TMEFF1: variants seen among roughly 807,000 people sequenced by gnomAD.
TMEFF1 encodes tomoregulin-1.
A neutral mutation model predicts 47.5 loss-of-function variants in TMEFF1; 20 were observed. The ratio of observed to expected loss-of-function variants is 0.42; its 90% CI spans 0.30 to 0.61. The LOEUF (loss-of-function observed/expected upper bound fraction) is 0.61. Ranked by LOEUF, TMEFF1 falls within the 20% of genes least tolerant of loss-of-function variation. The probability of loss-of-function intolerance (pLI) is 0.19; values close to 1 mark genes in which losing one functional copy is unlikely to be tolerated. For synonymous variants in TMEFF1, 162 were observed against 166.3 expected, an observed-to-expected ratio of 0.97 and a Z score of 0.20; for missense variants, 411 against 471.1, an observed-to-expected ratio of 0.87 and a Z score of 1.18.
In TMEFF1 at chr9:100,473,676, G is replaced by C. The variant is rs753811292; in HGVS notation, c.132G>C (p.Pro44=). ...GGAGCCGCGCGTCCAACCAGCCCCCGGGTGGTGGCGGCGGCAGCGGCGGGG... is the reference window on the plus strand; with the variant it reads ...GGAGCCGCGCGTCCAACCAGCCCCCCGGTGGTGGCGGCGGCAGCGGCGGGG... ...LPGSRASNQP[P]GGGGGSGGDC... is the part of the protein sequence containing the mutation. The change falls in exon 1 of 10, where the codon CCG becomes CCC. Residue 44 remains proline (P), a synonymous_variant. Transcript: ENST00000374879. This position sits in a 1 kb window ranked among gnomAD's most constrained non-coding sequence, Gnocchi z 5.4. The C allele has an allele frequency of 1.9e-5, 30 of 1,542,094 alleles. No individual in the cohort carries two copies.
At chr9:100,536,297 AT>A (rs1299662311) in intron 5 of TMEFF1, among the ~76,000 whole-genome samples, 3 of 152,218 alleles carry the variant, frequency 2.0e-5, no homozygotes, top group Admixed American at 2.0e-4. Context: ...GGAAGTTTTT[AT>A]GCAGACCTTG....
chr9:100,570,675 G>A (rs976591308), intron 8 of TMEFF1, among the ~76,000 whole-genome samples: 16 of 151,774 alleles, frequency 1.1e-4, no homozygotes, highest in Non-Finnish European at 1.9e-4. Context: ...GCTGGAAAGC[G>A]TAGAGCCCAA....
Position 100,576,651 on chromosome 9 carries a change from CT to C in TMEFF1, c.*58del, listed in dbSNP as rs887068422. The stretch of plus-strand genomic sequence containing the variant: ...ACCATGTGATGTACATTTATTATGT[CT>C]TTTTTTAAAGAATGGAAATATTTAT... On this transcript the variant is annotated 3_prime_UTR_variant, in exon 10 of 10. Coordinates refer to ENST00000374879, the MANE Select transcript of TMEFF1 (RefSeq NM_003692.5). 4 of 1,544,816 alleles carry C rather than the reference CT, an allele frequency of 2.6e-6. No homozygotes were observed. The highest frequency in any genetic ancestry group is 2.2e-5 in the Admixed American group (1 of 45,466).
At chr9:100,526,955 C>CG (rs766869560) in intron 5 of TMEFF1, among the ~76,000 whole-genome samples, 1 of 38,982 alleles carries the variant, frequency 2.6e-5, no homozygotes, top group Non-Finnish European at 4.5e-5. Context: ...GCTAAAAATA[C>CG]AAAAAAAAAA....
intron 9 of TMEFF1, among the ~76,000 whole-genome samples, chr9:100,573,882 G>A (rs1839298482): frequency 2.0e-5 from 3 of 152,340 alleles, no homozygotes; most frequent in Non-Finnish European, 2.9e-5. Flanking sequence ...AAAATTGGAC[G>A]GTAGATCAAA....
At chr9:100,563,839 A>G (rs1839069012) in intron 8 of TMEFF1, among the ~76,000 whole-genome samples, 1 of 152,224 alleles carries the variant, frequency 6.6e-6, no homozygotes, top group Admixed American at 6.5e-5. Flanking sequence ...TAAGAGGAAT[A>G]TCTTAAATGC....
chr9:100,492,371 C>G (rs1837571158), intron 1 of TMEFF1, among the ~76,000 whole-genome samples: 1 of 152,188 alleles, frequency 6.6e-6, no homozygotes, highest in Non-Finnish European at 1.5e-5. Flanking sequence ...TATTTTCACT[C>G]ATATGAAATG....
chr9:100,554,022 TCTAA>T (rs1838873210), intron 7 of TMEFF1, among the ~76,000 whole-genome samples: 1 of 152,178 alleles, frequency 6.6e-6, no homozygotes, highest in African/African-American at 2.4e-5. Flanking sequence ...CAGCCTATAA[TCTAA>T]CTATACCACC....
chr9:100,498,665 C>A, intron 1 of TMEFF1, 100 bp from the exon 2 acceptor site: 1 of 1,060,818 alleles, frequency 9.4e-7, no homozygotes, highest in Non-Finnish European at 1.4e-6. Context: ...GGGCTCAATA[C>A]ATTTTAAGGA....
chr9:100,551,271 T>A (rs942659195), intron 7 of TMEFF1, among the ~76,000 whole-genome samples: 1 of 152,246 alleles, frequency 6.6e-6, no homozygotes, highest in Non-Finnish European at 1.5e-5. Context: ...CTTTGAACAG[T>A]ATCGGATATA....
intron 5 of TMEFF1, among the ~76,000 whole-genome samples, chr9:100,538,381 C>T (rs891347223): frequency 2.0e-5 from 3 of 152,146 alleles, no homozygotes; most frequent in African/African-American, 7.2e-5. Flanking sequence ...GCAGTACAGT[C>T]GTCTGTCAGT....
intron 5 of TMEFF1, among the ~76,000 whole-genome samples, chr9:100,528,341 GA>G (rs1838306569): frequency 6.7e-6 from 1 of 148,776 alleles, no homozygotes; most frequent in South Asian, 2.2e-4. Flanking sequence ...TGAAAACTTT[GA>G]AAAAAATTTA....
intron 5 of TMEFF1, among the ~76,000 whole-genome samples, chr9:100,530,177 A>G (rs10989141): frequency 0.044 from 6,608 of 151,806 alleles, 325 homozygotes; most frequent in South Asian, 0.22. Context: ...CATCACAATT[A>G]AAAGAACTAG....
Position 100,473,493 on chromosome 9 carries a change from A to T in TMEFF1, c.-52A>T. 7.9e-7 allele frequency: 1 copy of T among 1,266,604 alleles called. No individual in the cohort carries two copies. The highest frequency in any genetic ancestry group is 1.0e-6 in the Non-Finnish European group (1 of 1,004,740). The allele number at this position is 1,266,604 out of a possible 1,614,324, so 78.5% of individuals were successfully genotyped here. A position where few individuals can be genotyped will look rare whatever the true frequency, so the allele number is the denominator to read the frequency against. ...GGCGGGGCTCTGGGCGCGCGGCTGG[A>T]TGCCCCCGGCCTGCGGCTCCCTGCG... On this transcript the variant is annotated 5_prime_UTR_variant, in exon 1 of 10. The change abolishes an upstream ATG in the 5' untranslated region. Transcript: ENST00000374879. The surrounding 1 kb of genome is among the most constrained non-coding windows in gnomAD (Gnocchi z 5.4).
In TMEFF1 at chr9:100,473,481, G is replaced by A; in HGVS notation, c.-64G>A. Reference sequence around the variant, plus strand: ...CACCGAGGCAGCGGCGGGGCTCTGGGCGCGCGGCTGGATGCCCCCGGCCTG... The same window carrying A: ...CACCGAGGCAGCGGCGGGGCTCTGGACGCGCGGCTGGATGCCCCCGGCCTG... On this transcript the variant is annotated 5_prime_UTR_variant, in exon 1 of 10. Coordinates refer to ENST00000374879, the MANE Select transcript of TMEFF1 (RefSeq NM_003692.5). This position sits in a 1 kb window ranked among gnomAD's most constrained non-coding sequence, Gnocchi z 5.4. 9.8e-6 allele frequency: 12 copies of A among 1,225,860 alleles called. No individual in the cohort carries two copies. Among genetic ancestry groups the A allele is most frequent in the Non-Finnish European group, 1.2e-5 (12 of 970,870 alleles). The allele number at this position is 1,225,860 out of a possible 1,614,324, so 75.9% of individuals were successfully genotyped here.
chr9:100,549,299 A>G (rs1301556160), intron 6 of TMEFF1, among the ~76,000 whole-genome samples: 1 of 152,130 alleles, frequency 6.6e-6, no homozygotes, highest in Admixed American at 6.5e-5. Context: ...GTAAACAACT[A>G]GGTCTTGTGA....
At position 100,526,655 on chromosome 9, in the gene TMEFF1, T is replaced by C. The variant is rs542872720; in HGVS notation, c.560+9884T>C. On this transcript the variant is annotated intron_variant, in intron 5 of 9. Transcript: ENST00000374879. Reference sequence around the variant, plus strand: ...TATTCTATCTATTGAAAGAGTGAGATTTTCTTTTCTATCAATCATTCAGGA... The same window carrying C: ...TATTCTATCTATTGAAAGAGTGAGACTTTCTTTTCTATCAATCATTCAGGA... Among the ~76,000 whole-genome samples, 47 of 152,184 alleles carry C rather than the reference T, an allele frequency of 3.1e-4. No individual in the cohort carries two copies. The East Asian group carries it at 8.9e-3, about 29-fold the overall frequency.
intron 6 of TMEFF1, among the ~76,000 whole-genome samples, chr9:100,548,930 T>TC (rs1439754315): frequency 6.6e-6 from 1 of 151,604 alleles, no homozygotes; most frequent in Non-Finnish European, 1.5e-5. Context: ...AGAAGTATGG[T>TC]CCCCCCACCC....
At position 100,540,832 on chromosome 9, in the gene TMEFF1, A is replaced by G. The variant is rs79839822; in HGVS notation, c.561-6912A>G. 6.7e-3 allele frequency among the ~76,000 whole-genome samples: 1,025 copies of G among 152,152 alleles called. 7 individuals are homozygous for G. Among genetic ancestry groups the G allele is most frequent in the African/African-American group, 0.024 (996 of 41,492 alleles). ...GTTTTCTGATTCTTAATGAGGTTGAATATCTTTTCACATATGTTGTTCTTA... is the reference window on the plus strand; with the variant it reads ...GTTTTCTGATTCTTAATGAGGTTGAGTATCTTTTCACATATGTTGTTCTTA... On this transcript the variant is annotated intron_variant, in intron 5 of 9. Transcript: ENST00000374879.
Sources: gnomAD v4.1 joint callset for allele counts (sites outside exome capture counted in the v4.1 genomes callset) on GRCh38, gnomAD v4.1.1 for gene constraint, Gnocchi (gnomAD v3.1) non-coding constraint, MANE v1.5 for transcripts, NCBI Gene and HGNC (gene_info 2026-07-23, HGNC 2026-07-21) for gene names.